The following PRKAG2 variants were observed in gnomAD, a reference collection of about 807,000 sequenced individuals.
PRKAG2 encodes protein kinase AMP-activated non-catalytic subunit gamma 2, also known as 5'-AMP-activated protein kinase subunit gamma-2.
In PRKAG2, 26 loss-of-function variants were observed where a neutral mutation model predicts 69.6. The ratio of observed to expected loss-of-function variants is 0.37; its 90% CI spans 0.27 to 0.52. The LOEUF is 0.52. Ranked by LOEUF, PRKAG2 falls within the 20% of genes least tolerant of loss-of-function variation. The probability of loss-of-function intolerance (pLI) is 0.90; values close to 1 mark genes in which losing one functional copy is unlikely to be tolerated. For synonymous variants in PRKAG2, 293 were observed against 285.0 expected (o/e 1.03, Z -0.28); for missense variants, 557 against 740.0 (o/e 0.75, Z 2.87).
Position 151,572,648 on chromosome 7 carries a change from A to T in PRKAG2, c.1051+16T>A, listed in dbSNP as rs772356895. 1.3e-6 allele frequency: 2 copies of T among 1,585,242 alleles called. No homozygotes were observed. The highest frequency in any genetic ancestry group is 1.3e-5 in the African/African-American group (1 of 74,336). ...TTCCCGATACTAAAAGATTTTAAAC[A>T]TCCAATAGTGCTTACCCCTCCATGT... On this transcript the variant is annotated intron_variant, in intron 9 of 15. Coordinates refer to ENST00000287878, the MANE Select transcript of PRKAG2 (RefSeq NM_016203.4).
chr7:151,779,888 T>G (rs1223826210), intron 3 of PRKAG2, among the ~76,000 whole-genome samples: 1 of 152,102 alleles, frequency 6.6e-6, no homozygotes, highest in South Asian at 2.1e-4. Context: ...TGATCCCTCA[T>G]CTCTAGACGA....
At chr7:151,794,799 C>T (rs931629856) in intron 1 of PRKAG2, among the ~76,000 whole-genome samples, 2 of 152,262 alleles carry the variant, frequency 1.3e-5, no homozygotes, top group Non-Finnish European at 2.9e-5. Context: ...CACAGCATGG[C>T]CGCTGCCAGA....
rs575748653 is a variant in PRKAG2, at chr7:151,603,514, C to T, written c.755-8060G>A. ...CGTCCTCACCGCACACGGAGGGACA[C>T]GCTCCGTCCTCACCGCACACGGAGG... On this transcript the variant is annotated intron_variant, in intron 5 of 15. Coordinates refer to ENST00000287878, the MANE Select transcript of PRKAG2 (RefSeq NM_016203.4). 5.9e-4 allele frequency among the ~76,000 whole-genome samples: 60 copies of T among 101,988 alleles called. 1 individual carries two copies. The highest frequency in any genetic ancestry group is 2.7e-3 in the African/African-American group (55 of 20,126). The allele number at this position is 101,988 out of a possible 152,430, so 66.9% of individuals were successfully genotyped here.
chr7:151,853,838 G>GAGGA (rs1191016716), intron 1 of PRKAG2, among the ~76,000 whole-genome samples: 1 of 151,850 alleles, frequency 6.6e-6, no homozygotes, highest in Non-Finnish European at 1.5e-5. Flanking sequence ...CTTCACTGCT[G>GAGGA]AGGAACCTGG....
At chr7:151,720,270 G>A (rs979086957) in intron 3 of PRKAG2, among the ~76,000 whole-genome samples, 11 of 152,096 alleles carry the variant, frequency 7.2e-5, no homozygotes, top group Admixed American at 4.6e-4. Flanking sequence ...AGACTTGCTG[G>A]TCTGGGACAA....
rs1434525840 is a variant in PRKAG2 at position 151,583,889 on chromosome 7, ACT to A, written c.865-7439_865-7438del. Among the ~76,000 whole-genome samples the A allele has an allele frequency of 5.3e-5, 8 of 152,136 alleles. 1 individual carries two copies. The highest frequency in any genetic ancestry group is 1.4e-4 in the African/African-American group (6 of 41,432). ...GAGCAGGCCCGAGCTGCTCTAAGAG[ACT>A]CTGGCAGTCTATACCAAGGAGAACA... On this transcript the variant is annotated intron_variant, in intron 6 of 15. Coordinates refer to ENST00000287878, the MANE Select transcript of PRKAG2 (RefSeq NM_016203.4). The surrounding 1 kb of genome is among the most constrained non-coding windows in gnomAD (Gnocchi z 4.1).
intron 1 of PRKAG2, among the ~76,000 whole-genome samples, chr7:151,859,206 G>C (rs76201172): frequency 6.6e-6 from 1 of 152,238 alleles, no homozygotes; most frequent in Non-Finnish European, 1.5e-5. Flanking sequence ...AATGGGCTTC[G>C]AGGGTGCTGC....
Position 151,565,783 on chromosome 7 carries a change from T to C in PRKAG2, c.1336A>G (p.Ile446Val). The change falls in exon 12 of 16, where the codon ATC (isoleucine) becomes GTC (valine). Residue 446 changes from isoleucine (I) to valine (V), a missense_variant. By Grantham distance (29) the Ile-to-Val change is conservative. Coordinates refer to ENST00000287878, the MANE Select transcript of PRKAG2 (RefSeq NM_016203.4). ...TCCACAAATATGTTCAAGGCTTTGA[T>C]GATGGGAGTGTCTGGATGTATGAAG... Reference protein sequence around the residue: ...IAFIHPDTPIIKALNIFVERR... With the variant: ...IAFIHPDTPIVKALNIFVERR... 1 of 1,613,252 alleles carries C rather than the reference T, an allele frequency of 6.2e-7. No homozygotes were observed. The highest frequency in any genetic ancestry group is 8.5e-7 in the Non-Finnish European group (1 of 1,179,176).
intron 1 of PRKAG2, among the ~76,000 whole-genome samples, chr7:151,841,840 G>A (rs927331157): frequency 6.7e-6 from 1 of 148,606 alleles, no homozygotes; most frequent in African/African-American, 2.5e-5. Flanking sequence ...AGTGATGGTA[G>A]GTAGTGATGG....
At chr7:151,608,688 A>G (rs1818074442) in intron 5 of PRKAG2, among the ~76,000 whole-genome samples, 1 of 152,228 alleles carries the variant, frequency 6.6e-6, no homozygotes, top group African/African-American at 2.4e-5. Context: ...TGAAGCACGC[A>G]GGTTTAAAAG....
intron 3 of PRKAG2, among the ~76,000 whole-genome samples, chr7:151,714,015 C>G (rs940689421): frequency 2.0e-5 from 3 of 152,114 alleles, no homozygotes; most frequent in African/African-American, 7.2e-5. Flanking sequence ...CGGCACATAC[C>G]CCCAAAGGAT....
chr7:151,565,089 T>C (rs1805933522), intron 13 of PRKAG2, among the ~76,000 whole-genome samples: 1 of 152,150 alleles, frequency 6.6e-6, no homozygotes, highest in Admixed American at 6.5e-5. Flanking sequence ...ATACACATGC[T>C]GTGGCAGTGC....
At chr7:151,603,575 G>A (rs1816747723) in intron 5 of PRKAG2, among the ~76,000 whole-genome samples, 1 of 138,996 alleles carries the variant, frequency 7.2e-6, no homozygotes, top group African/African-American at 2.7e-5. Context: ...GGAGGGACAC[G>A]CTCCGTCCTC....
At chr7:151,619,777 T>C (rs1821025578) in intron 5 of PRKAG2, among the ~76,000 whole-genome samples, 1 of 152,158 alleles carries the variant, frequency 6.6e-6, no homozygotes, top group African/African-American at 2.4e-5. Flanking sequence ...CCTAGCACTT[T>C]GGAGGGGCCG....
rs530244874 is a variant in PRKAG2, at chr7:151,856,844, T to C, written c.114+19663A>G. ...TTTCAAGTCTGGTGAAACCCAGCTC[T>C]AAGGAAACAAGATAAAGGAGGAGAA... On this transcript the variant is annotated intron_variant, in intron 1 of 15. Transcript: ENST00000287878. 2.0e-5 allele frequency among the ~76,000 whole-genome samples: 3 copies of C among 151,784 alleles called. No homozygotes were observed. In the South Asian group the frequency reaches 6.2e-4, roughly 32 times the overall value.
At chr7:151,747,842 C>A (rs1039986336) in intron 3 of PRKAG2, among the ~76,000 whole-genome samples, 11 of 151,046 alleles carry the variant, frequency 7.3e-5, no homozygotes, top group Admixed American at 6.6e-4. Context: ...ACCTCAAATT[C>A]TTTTCTGTTT....
intron 3 of PRKAG2, among the ~76,000 whole-genome samples, chr7:151,705,295 G>C (rs576018725): frequency 6.6e-6 from 1 of 151,530 alleles, no homozygotes; most frequent in South Asian, 2.1e-4. Context: ...ACTTCCTCTC[G>C]AGCAACACCA....
intron 8 of PRKAG2, among the ~76,000 whole-genome samples, chr7:151,573,013 T>C (rs1183913814): frequency 6.6e-6 from 1 of 152,034 alleles, no homozygotes; most frequent in Non-Finnish European, 1.5e-5. Context: ...CTCAGGAGGC[T>C]GAGGCAGGAG....
chr7:151,791,503 C>A (rs545799160), intron 1 of PRKAG2, among the ~76,000 whole-genome samples: 1 of 152,222 alleles, frequency 6.6e-6, no homozygotes, highest in East Asian at 1.9e-4. Flanking sequence ...TAGGGGGCAA[C>A]GCTGAGGCAC....
Sources: allele counts gnomAD v4.1 joint callset (sites outside exome capture counted in the v4.1 genomes callset), GRCh38; gene constraint gnomAD v4.1.1; non-coding constraint Gnocchi (gnomAD v3.1); transcripts MANE v1.5; gene names NCBI Gene and HGNC (gene_info 2026-07-23, HGNC 2026-07-21).